DDC: variants seen among roughly 807,000 people sequenced by gnomAD.
DDC encodes the protein aromatic-L-amino-acid decarboxylase.
In DDC, 43 loss-of-function variants were observed where a neutral mutation model predicts 60.0. The observed-to-expected ratio is 0.72, with a 90% CI of 0.56 to 0.92. The LOEUF (loss-of-function observed/expected upper bound fraction) is 0.92. Among genes scored for constraint, DDC ranks in the 40% least tolerant of loss-of-function variants. The probability of loss-of-function intolerance (pLI) is 0.00; values close to 1 mark genes in which losing one functional copy is unlikely to be tolerated. For missense variants in DDC, 573 were observed against 620.2 expected (o/e 0.92, Z 0.81); for synonymous variants, 232 against 234.6 (o/e 0.99, Z 0.10).
At chr7:50,487,485 A>G (rs1374574046) in intron 9 of DDC, among the ~76,000 whole-genome samples, 2 of 152,118 alleles carry the variant, frequency 1.3e-5, no homozygotes, top group Non-Finnish European at 2.9e-5. Context: ...TGGTGTTGAG[A>G]TAAAAACCAC....
chr7:50,482,431 AATTGGAAT>A (rs1392858867), intron 9 of DDC, among the ~76,000 whole-genome samples: 1 of 152,184 alleles, frequency 6.6e-6, no homozygotes, highest in Non-Finnish European at 1.5e-5. Flanking sequence ...TAGAAGCCCT[AATTGGAAT>A]ATGTGGAGTC....
At chr7:50,539,608 G>T (rs2044543605) in intron 3 of DDC, among the ~76,000 whole-genome samples, 1 of 152,214 alleles carries the variant, frequency 6.6e-6, no homozygotes, top group Non-Finnish European at 1.5e-5. Context: ...TTGGAGAAAT[G>T]CAGATTCCCA....
In DDC at chr7:50,492,477, A is replaced by G. The variant is rs760024991; in HGVS notation, c.944+2873T>C. Reference sequence around the variant, plus strand: ...TCAGGAGAGAAAGAGCACATTCTCTATTGCAATTTAAAAACATATTTTGTA... The same window carrying G: ...TCAGGAGAGAAAGAGCACATTCTCTGTTGCAATTTAAAAACATATTTTGTA... On this transcript the variant is annotated intron_variant, in intron 9 of 14. Coordinates refer to ENST00000444124, the MANE Select transcript of DDC (RefSeq NM_001082971.2). 1.8e-3 allele frequency among the ~76,000 whole-genome samples: 273 copies of G among 152,228 alleles called. 6 individuals are homozygous for G. Among genetic ancestry groups the G allele is most frequent in the Non-Finnish European group, 7.4e-4 (50 of 68,016 alleles).
At chr7:50,531,198 A>G (rs1563032498) in intron 4 of DDC, among the ~76,000 whole-genome samples, 1 of 152,294 alleles carries the variant, frequency 6.6e-6, no homozygotes, top group East Asian at 1.9e-4. Context: ...GGAGAAACCA[A>G]TTTTGGCTGG....
At chr7:50,521,295 T>G (rs746152393) in intron 6 of DDC, among the ~76,000 whole-genome samples, 10 of 152,136 alleles carry the variant, frequency 6.6e-5, no homozygotes, top group Non-Finnish European at 1.3e-4. Context: ...ATTTTAAAAT[T>G]AGATCAATAA....
intron 2 of DDC, chr7:50,543,539 G>T: frequency 2.7e-6 from 1 of 365,480 alleles, no homozygotes. Flanking sequence ...TTATTTGAAA[G>T]CAGCCACCAG....
chr7:50,485,505 C>A (rs1447212252), intron 9 of DDC, among the ~76,000 whole-genome samples: 1 of 152,012 alleles, frequency 6.6e-6, no homozygotes, highest in Non-Finnish European at 1.5e-5. Flanking sequence ...ACAAAGAAAC[C>A]AGTGAAAGCA....
intron 2 of DDC, among the ~76,000 whole-genome samples, chr7:50,540,773 G>T (rs2044603745): frequency 6.6e-6 from 1 of 152,216 alleles, no homozygotes; most frequent in Non-Finnish European, 1.5e-5. Flanking sequence ...GCTCATGTGG[G>T]CCAGGGAGGA....
chr7:50,461,301 TTTC>T (rs1359172288), intron 14 of DDC, among the ~76,000 whole-genome samples: 3 of 152,218 alleles, frequency 2.0e-5, no homozygotes, highest in African/African-American at 7.2e-5. Flanking sequence ...TAGTTCCTAC[TTTC>T]TCTCAGAGCT....
In DDC at chr7:50,463,290, G is replaced by A. The variant is rs746158022; in HGVS notation, c.1384C>T (p.Arg462Trp). ...AGCTCTTTGATGTGTTCCCAGGCCC[G>A]CTGCACATGGGCAGATTCCACCGTG... ...SRTVESAHVQRAWEHIKELAA... is the reference protein window; with the variant it reads ...SRTVESAHVQWAWEHIKELAA... Residue 462 changes from arginine to tryptophan, a missense_variant, in exon 14 of 15, where the codon CGG becomes TGG. Coordinates refer to ENST00000444124, the MANE Select transcript of DDC (RefSeq NM_001082971.2). 26 of 1,614,076 alleles carry A rather than the reference G, an allele frequency of 1.6e-5. No individual in the cohort carries two copies. The highest frequency in any genetic ancestry group is 3.3e-5 in the Admixed American group (2 of 60,000).
chr7:50,521,447 CAA>C (rs2043887516), intron 6 of DDC, among the ~76,000 whole-genome samples: 1 of 152,154 alleles, frequency 6.6e-6, no homozygotes, highest in African/African-American at 2.4e-5. Context: ...ACCAGTATTA[CAA>C]AGACATTGCA....
intron 6 of DDC, among the ~76,000 whole-genome samples, chr7:50,509,692 G>A (rs1161493444): frequency 6.6e-6 from 1 of 152,148 alleles, no homozygotes; most frequent in Non-Finnish European, 1.5e-5. Flanking sequence ...ATTTCTTAGT[G>A]CCTGTATTAC....
At chr7:50,523,135 T>C (rs186691121) in intron 6 of DDC, among the ~76,000 whole-genome samples, 65 of 152,318 alleles carry the variant, frequency 4.3e-4, no homozygotes, top group African/African-American at 1.5e-3. Context: ...GACATAGACC[T>C]TACACCTTTC....
intron 9 of DDC, among the ~76,000 whole-genome samples, chr7:50,493,658 G>T (rs1312529225): frequency 6.6e-6 from 1 of 152,076 alleles, no homozygotes; most frequent in Non-Finnish European, 1.5e-5. Context: ...ATTCATAACG[G>T]CCATGTCTTT....
At position 50,551,074 on chromosome 7, in the gene DDC, A is replaced by G. The variant is rs560133806; in HGVS notation, c.-28-6961T>C. 1.4e-4 allele frequency among the ~76,000 whole-genome samples: 22 copies of G among 152,338 alleles called. No individual in the cohort carries two copies. The East Asian group carries it at 4.0e-3, about 28-fold the overall frequency. ...AGAACACTTATTTTATAATTTATTT[A>G]GAACAAATTCTTCTAGAGATAAATA... On this transcript the variant is annotated intron_variant, in intron 1 of 14. Coordinates refer to ENST00000444124, the MANE Select transcript of DDC (RefSeq NM_001082971.2).
At chr7:50,555,099 C>G (rs753834006) in intron 1 of DDC, among the ~76,000 whole-genome samples, 5 of 152,102 alleles carry the variant, frequency 3.3e-5, no homozygotes, top group African/African-American at 7.2e-5. Context: ...CCAGGCTGTC[C>G]GTGCAAAGCT....
intron 8 of DDC, among the ~76,000 whole-genome samples, chr7:50,497,179 T>G (rs2043144573): frequency 6.6e-6 from 1 of 151,290 alleles, no homozygotes; most frequent in South Asian, 2.1e-4. Context: ...GCAGCCTCCT[T>G]ATCTGCCCCA....
intron 9 of DDC, among the ~76,000 whole-genome samples, chr7:50,486,420 G>A (rs1020696285): frequency 2.0e-5 from 3 of 151,976 alleles, no homozygotes; most frequent in African/African-American, 2.4e-5. Context: ...TGGGTGTTTG[G>A]GTATAGTGAG....
chr7:50,522,572 T>C (rs563225632), intron 6 of DDC, among the ~76,000 whole-genome samples: 21 of 152,182 alleles, frequency 1.4e-4, no homozygotes, highest in African/African-American at 4.6e-4. Flanking sequence ...AAGAGACAAA[T>C]AAATGAGTTG....
Sources: allele counts gnomAD v4.1 joint callset (sites outside exome capture counted in the v4.1 genomes callset), GRCh38; gene constraint gnomAD v4.1.1; transcripts MANE v1.5; gene names NCBI Gene and HGNC (gene_info 2026-07-23, HGNC 2026-07-21).